PPP1R9A: variants seen among roughly 807,000 people sequenced by gnomAD.
PPP1R9A encodes protein phosphatase 1 regulatory subunit 9A, also known as neurabin-1.
Under a neutral mutation model 141.9 loss-of-function variants are expected in PPP1R9A, and 59 were observed. That is an observed-to-expected ratio of 0.42 (90% CI 0.34 to 0.52). PPP1R9A has a LOEUF of 0.52. PPP1R9A is among the 20% of genes least tolerant of loss of function. The pLI is 0.10. For missense variants in PPP1R9A, 1,444 were observed against 1,611.9 expected (o/e 0.90, Z 1.78); for synonymous variants, 500 against 569.7 (o/e 0.88, Z 1.74).
At chr7:95,130,369 G>A (rs769012741) in intron 4 of PPP1R9A, among the ~76,000 whole-genome samples, 1 of 152,174 alleles carries the variant, frequency 6.6e-6, no homozygotes, top group Non-Finnish European at 1.5e-5. Flanking sequence ...CAAGAATTGG[G>A]GTTTGAGAAC....
At chr7:95,078,477 G>A (rs1407987230) in intron 2 of PPP1R9A, among the ~76,000 whole-genome samples, 2 of 151,130 alleles carry the variant, frequency 1.3e-5, no homozygotes, top group East Asian at 2.0e-4. Context: ...ATTATTTATA[G>A]TCCTTTGGGT....
At chr7:95,234,148 T>C (rs892025649) in intron 8 of PPP1R9A, among the ~76,000 whole-genome samples, 3 of 152,112 alleles carry the variant, frequency 2.0e-5, no homozygotes, top group Non-Finnish European at 2.9e-5. Context: ...TTTCAGTACT[T>C]GCATTCAACA....
intron 7 of PPP1R9A, among the ~76,000 whole-genome samples, chr7:95,221,849 G>A (rs1195015683): frequency 1.3e-5 from 2 of 152,060 alleles, no homozygotes; most frequent in Non-Finnish European, 1.5e-5. Flanking sequence ...GTTTATACAA[G>A]AGTGCATAAA....
chr7:94,992,759 A>G (rs1801677931), intron 2 of PPP1R9A, among the ~76,000 whole-genome samples: 2 of 152,108 alleles, frequency 1.3e-5, no homozygotes, highest in African/African-American at 4.8e-5. Flanking sequence ...TTTTGCAATC[A>G]TATGTGTATC....
chr7:95,171,457 C>T (rs534425940), intron 5 of PPP1R9A, among the ~76,000 whole-genome samples: 1 of 151,634 alleles, frequency 6.6e-6, no homozygotes, highest in African/African-American at 2.4e-5. Flanking sequence ...AATCTTTAGT[C>T]AGACTTGTTT....
At chr7:95,101,953 A>T (rs2023697) in intron 2 of PPP1R9A, among the ~76,000 whole-genome samples, 1 of 152,142 alleles carries the variant, frequency 6.6e-6, no homozygotes. Flanking sequence ...GAGAGCATCC[A>T]GCCTGTTAAT....
At chr7:94,939,271 C>T (rs1247693671) in intron 2 of PPP1R9A, among the ~76,000 whole-genome samples, 1 of 151,762 alleles carries the variant, frequency 6.6e-6, no homozygotes, top group Non-Finnish European at 1.5e-5. Context: ...AAGACACTTT[C>T]TAAACTTAAA....
At chr7:94,960,016 C>T (rs1797445998) in intron 2 of PPP1R9A, among the ~76,000 whole-genome samples, 1 of 151,640 alleles carries the variant, frequency 6.6e-6, no homozygotes, top group Non-Finnish European at 1.5e-5. Flanking sequence ...TTCTGCTTCA[C>T]CATGTGGTCT....
chr7:95,092,437 C>T (rs755628274), intron 2 of PPP1R9A, among the ~76,000 whole-genome samples: 1 of 150,972 alleles, frequency 6.6e-6, no homozygotes, highest in Non-Finnish European at 1.5e-5. Flanking sequence ...GCCCTAAATA[C>T]CAGTGCTTAC....
At chr7:94,943,202 TG>T (rs1327535111) in intron 2 of PPP1R9A, among the ~76,000 whole-genome samples, 1 of 152,236 alleles carries the variant, frequency 6.6e-6, no homozygotes, top group Non-Finnish European at 1.5e-5. Context: ...ATTTATATTA[TG>T]TAGACATCTG....
intron 2 of PPP1R9A, among the ~76,000 whole-genome samples, chr7:95,033,500 G>A (rs1584370673): frequency 6.6e-6 from 1 of 151,976 alleles, no homozygotes; most frequent in East Asian, 1.9e-4. Context: ...GTTTTCTGTT[G>A]AGCAAAAGTT....
chr7:95,036,164 G>C (rs924791397), intron 2 of PPP1R9A: 1 of 152,102 alleles, frequency 6.6e-6, no homozygotes, highest in Non-Finnish European at 1.5e-5. Flanking sequence ...ACATAGAATA[G>C]CATGGAAATT....
intron 2 of PPP1R9A, among the ~76,000 whole-genome samples, chr7:95,089,529 C>G (rs1018177203): frequency 6.6e-6 from 1 of 151,940 alleles, no homozygotes; most frequent in African/African-American, 2.4e-5. Flanking sequence ...TTGTCCTTCC[C>G]TTAAATTGAT....
At chr7:95,097,293 T>C (rs778656675) in intron 2 of PPP1R9A, among the ~76,000 whole-genome samples, 2 of 152,188 alleles carry the variant, frequency 1.3e-5, no homozygotes, top group Non-Finnish European at 2.9e-5. Flanking sequence ...CCCAAATTGC[T>C]GTGATTACAG....
At chr7:95,128,568 CGTTTGTTTGTTT>C (rs372584781) in intron 4 of PPP1R9A, among the ~76,000 whole-genome samples, 1 of 151,732 alleles carries the variant, frequency 6.6e-6, no homozygotes, top group Non-Finnish European at 1.5e-5. Flanking sequence ...GTTTTCTGTT[CGTTTGTTTGTTT>C]GTTTGTTTGT....
intron 2 of PPP1R9A, among the ~76,000 whole-genome samples, chr7:95,094,081 A>G (rs751974762): frequency 3.3e-5 from 5 of 152,208 alleles, no homozygotes; most frequent in Non-Finnish European, 5.9e-5. Flanking sequence ...TAATAAATCT[A>G]TAGGAGAGAC....
At chr7:95,219,532 G>C (rs537032946) in intron 7 of PPP1R9A, among the ~76,000 whole-genome samples, 96 of 152,212 alleles carry the variant, frequency 6.3e-4, no homozygotes, top group African/African-American at 2.1e-3. Context: ...CTAGATTGGG[G>C]AAGTTTTCCT....
At chr7:94,963,549 G>C (rs1261206714) in intron 2 of PPP1R9A, among the ~76,000 whole-genome samples, 1 of 152,080 alleles carries the variant, frequency 6.6e-6, no homozygotes, top group Non-Finnish European at 1.5e-5. Flanking sequence ...CATATAATAT[G>C]TGGTCTTCTG....
At chr7:94,909,405 C>G (rs1051115380) in intron 1 of PPP1R9A, among the ~76,000 whole-genome samples, 2 of 152,116 alleles carry the variant, frequency 1.3e-5, no homozygotes, top group Non-Finnish European at 2.9e-5. Flanking sequence ...GTAAAATATG[C>G]CGCTGTAGGC....
Sources: gnomAD v4.1 joint callset for allele counts (sites outside exome capture counted in the v4.1 genomes callset) on GRCh38, gnomAD v4.1.1 for gene constraint, MANE v1.5 for transcripts, NCBI Gene and HGNC (gene_info 2026-07-23, HGNC 2026-07-21) for gene names.